The following KCNH7 variants were observed in gnomAD, a reference collection of about 807,000 sequenced individuals.
KCNH7 encodes the protein potassium voltage-gated channel subfamily H member 7.
Under a neutral mutation model 120.8 loss-of-function variants are expected in KCNH7, and 49 were observed. That is an observed-to-expected ratio of 0.41 (90% confidence interval 0.32 to 0.51). The LOEUF (loss-of-function observed/expected upper bound fraction) is 0.51. KCNH7 is among the 20% of genes least tolerant of loss of function. The pLI, the probability that KCNH7 is intolerant of heterozygous loss-of-function variation, is 0.38. For missense variants in KCNH7, 1,097 were observed against 1,446.6 expected (o/e 0.76, Z 3.92); for synonymous variants, 547 against 516.1 (o/e 1.06, Z -0.81).
At chr2:162,810,857 A>G (rs76449785) in intron 2 of KCNH7, among the ~76,000 whole-genome samples, 3,659 of 152,164 alleles carry the variant, frequency 0.024, 143 homozygotes, top group African/African-American at 0.083. Context: ...TAAAATACAA[A>G]CCTTCTTTTC....
chr2:162,480,544 C>T (rs1369294670), intron 6 of KCNH7, among the ~76,000 whole-genome samples: 1 of 152,156 alleles, frequency 6.6e-6, no homozygotes, highest in Non-Finnish European at 1.5e-5. Context: ...ATTTCTCATT[C>T]AAGATGCAAA....
intron 2 of KCNH7, among the ~76,000 whole-genome samples, chr2:162,737,283 A>G (rs1687947633): frequency 6.6e-6 from 1 of 152,126 alleles, no homozygotes; most frequent in East Asian, 1.9e-4. Flanking sequence ...GCAGCTGCTA[A>G]TGGGTTCAGA....
At chr2:162,783,826 G>A (rs950500899) in intron 2 of KCNH7, among the ~76,000 whole-genome samples, 1 of 151,850 alleles carries the variant, frequency 6.6e-6, no homozygotes, top group Admixed American at 6.6e-5. Context: ...CCTGAGCTTC[G>A]AACATAAGAA....
chr2:162,591,220 T>C (rs924554756), intron 2 of KCNH7, among the ~76,000 whole-genome samples: 4 of 152,066 alleles, frequency 2.6e-5, no homozygotes, highest in African/African-American at 7.2e-5. Context: ...CTATACCACA[T>C]TTCTTTTATT....
chr2:162,496,979 CT>C (rs1690518033), intron 6 of KCNH7: 1 of 152,102 alleles, frequency 6.6e-6, no homozygotes, highest in Non-Finnish European at 1.5e-5. Context: ...CTCATCTGAT[CT>C]CAGAAATGCA....
At chr2:162,678,616 T>C (rs1342640205) in intron 2 of KCNH7, among the ~76,000 whole-genome samples, 1 of 151,462 alleles carries the variant, frequency 6.6e-6, no homozygotes, top group Non-Finnish European at 1.5e-5. Flanking sequence ...CTCAAACGAA[T>C]ATTCTGGGGT....
intron 2 of KCNH7, among the ~76,000 whole-genome samples, chr2:162,677,540 T>C (rs1004195473): frequency 1.3e-5 from 2 of 151,520 alleles, no homozygotes; most frequent in African/African-American, 4.8e-5. Context: ...TATTGCCATA[T>C]AATATTCCAC....
chr2:162,641,068 C>T (rs553768773), intron 2 of KCNH7, among the ~76,000 whole-genome samples: 1 of 152,154 alleles, frequency 6.6e-6, no homozygotes, highest in African/African-American at 2.4e-5. Context: ...ATCATTCAGA[C>T]ATAGCTGATG....
chr2:162,753,202 T>C (rs1458630820), intron 2 of KCNH7, among the ~76,000 whole-genome samples: 1 of 151,956 alleles, frequency 6.6e-6, no homozygotes, highest in East Asian at 1.9e-4. Context: ...GGATAACATT[T>C]GCTGGGGTAG....
intron 2 of KCNH7, among the ~76,000 whole-genome samples, chr2:162,649,281 T>C (rs996453058): frequency 6.6e-6 from 1 of 152,212 alleles, no homozygotes; most frequent in Non-Finnish European, 1.5e-5. Context: ...TCCTTAAGAT[T>C]ATATCAGAAT....
At chr2:162,433,364 C>T (rs1269299093) in intron 8 of KCNH7, among the ~76,000 whole-genome samples, 1 of 152,076 alleles carries the variant, frequency 6.6e-6, no homozygotes, top group Non-Finnish European at 1.5e-5. Flanking sequence ...CATCACATTA[C>T]CCGACTTCAA....
chr2:162,431,157 T>G (rs1049927059), intron 8 of KCNH7, among the ~76,000 whole-genome samples: 1 of 152,056 alleles, frequency 6.6e-6, no homozygotes, highest in Admixed American at 6.6e-5. Context: ...TTTAGTTTCC[T>G]TCAATTATAT....
intron 2 of KCNH7, among the ~76,000 whole-genome samples, chr2:162,670,513 A>G (rs1685313491): frequency 6.6e-6 from 1 of 151,532 alleles, no homozygotes; most frequent in Admixed American, 6.6e-5. Flanking sequence ...GACTGTATAA[A>G]CAATTCAAAG....
chr2:162,688,880 G>A (rs996981450), intron 2 of KCNH7, among the ~76,000 whole-genome samples: 1 of 151,870 alleles, frequency 6.6e-6, no homozygotes, highest in Non-Finnish European at 1.5e-5. Context: ...AATATATGGA[G>A]GCAGAATGAT....
intron 2 of KCNH7, among the ~76,000 whole-genome samples, chr2:162,594,216 T>C (rs1048969456): frequency 1.8e-4 from 23 of 126,192 alleles, no homozygotes; most frequent in African/African-American, 6.8e-4. Context: ...ACAGACATGC[T>C]AGTTTATAAC....
chr2:162,400,340 A>G lies in KCNH7; in HGVS notation c.2256T>C (p.Gly752=), dbSNP rs1687033605. 1.1e-5 allele frequency: 18 copies of G among 1,612,418 alleles called. No individual in the cohort carries two copies. Among genetic ancestry groups the G allele is most frequent in the Non-Finnish European group, 1.5e-5 (18 of 1,179,068 alleles). Residue 752 remains glycine, a synonymous_variant, in exon 10 of 16, where the codon GGT becomes GGC. Transcript: ENST00000332142. ...NCKAFRGASK[G]CLRALAMKFK... is the part of the protein sequence containing the mutation. ...ACTTCATTGCCAAAGCTCTAAGGCAACCTTTACTTGCCCCCCGAAAGGCTT... is the reference window on the plus strand; with the variant it reads ...ACTTCATTGCCAAAGCTCTAAGGCAGCCTTTACTTGCCCCCCGAAAGGCTT...
At chr2:162,653,675 G>A (rs915197497) in intron 2 of KCNH7, among the ~76,000 whole-genome samples, 1 of 152,140 alleles carries the variant, frequency 6.6e-6, no homozygotes, top group East Asian at 1.9e-4. Flanking sequence ...AACTACAGAA[G>A]AGCCCAAATA....
intron 2 of KCNH7, among the ~76,000 whole-genome samples, chr2:162,701,964 G>A (rs1020946059): frequency 1.5e-4 from 23 of 151,128 alleles, no homozygotes; most frequent in African/African-American, 3.7e-4. Context: ...CCAAGATCAC[G>A]CCACTATACT....
chr2:162,692,337 G>C (rs1401473529), intron 2 of KCNH7, among the ~76,000 whole-genome samples: 3 of 151,992 alleles, frequency 2.0e-5, no homozygotes, highest in Admixed American at 1.3e-4. Context: ...ATGTTCACCA[G>C]GATGATCTCC....
Sources: allele counts gnomAD v4.1 joint callset (sites outside exome capture counted in the v4.1 genomes callset), GRCh38; gene constraint gnomAD v4.1.1; transcripts MANE v1.5; gene names NCBI Gene and HGNC (gene_info 2026-07-23, HGNC 2026-07-21).